TXNDC5: variants seen among roughly 807,000 people sequenced by gnomAD.
TXNDC5 encodes the protein thioredoxin domain-containing protein 5.
In TXNDC5, 44 loss-of-function variants were observed where a neutral mutation model predicts 52.6. The observed-to-expected ratio is 0.84, with a 90% CI of 0.66 to 1.08. TXNDC5 has a LOEUF of 1.08. Ranked by LOEUF, TXNDC5 falls within the 50% of genes least tolerant of loss-of-function variation. The pLI is 0.00. For synonymous variants in TXNDC5, 241 were observed against 234.4 expected (o/e 1.03, Z -0.26); for missense variants, 600 against 565.5 (o/e 1.06, Z -0.62).
intron 7 of TXNDC5, among the ~76,000 whole-genome samples, chr6:7,887,346 A>G (rs553404962): frequency 6.6e-6 from 1 of 152,264 alleles, no homozygotes; most frequent in African/African-American, 2.4e-5. Context: ...TGGAACTGCC[A>G]CTGGACACTG....
chr6:7,908,343 T>G (rs1372857598), intron 1 of TXNDC5, among the ~76,000 whole-genome samples: 1 of 148,406 alleles, frequency 6.7e-6, no homozygotes, highest in Non-Finnish European at 1.5e-5. Context: ...AGCATCCAGC[T>G]AAATGTCTAC....
intron 9 of TXNDC5, among the ~76,000 whole-genome samples, chr6:7,883,499 AG>A (rs1430403602): frequency 2.6e-5 from 4 of 152,202 alleles, no homozygotes; most frequent in African/African-American, 7.2e-5. Flanking sequence ...TCAGCCTCAA[AG>A]GAACGACTTT....
rs554689362 is a variant in TXNDC5 at position 7,904,565 on chromosome 6, C to T, written c.413+9G>A. 16 of 1,613,442 alleles carry T rather than the reference C, an allele frequency of 9.9e-6. No homozygotes were observed. The South Asian group carries it at 1.5e-4, about 16-fold the overall frequency. ...ACCTAGGAAGTGTGCCCCCTTCCTT[C>T]CAACTTACGTGGGGTATCCTCGCAC... On this transcript the variant is annotated intron_variant, in intron 2 of 9. Transcript: ENST00000379757.
intron 3 of TXNDC5, among the ~76,000 whole-genome samples, chr6:7,898,623 C>G (rs181784218): frequency 6.6e-6 from 1 of 152,276 alleles, no homozygotes; most frequent in Non-Finnish European, 1.5e-5. Context: ...TCATCAGGAT[C>G]CTACAGTGTA....
chr6:7,883,084 C>T lies in TXNDC5; in HGVS notation c.*60G>A, dbSNP rs1759824591. 6.2e-7 allele frequency: 1 copy of T among 1,609,716 alleles called. No homozygotes were observed. Among genetic ancestry groups the T allele is most frequent in the South Asian group, 1.1e-5 (1 of 90,860 alleles). On this transcript the variant is annotated 3_prime_UTR_variant, in exon 10 of 10. Coordinates refer to ENST00000379757, the MANE Select transcript of TXNDC5 (RefSeq NM_030810.5). The stretch of plus-strand genomic sequence containing the variant: ...TGGGAACCCAGTGGCCTCTGTGGGA[C>T]TGAACTCCTAAACGCAGGGTGCGGG...
chr6:7,885,565 G>C (rs955533769), intron 8 of TXNDC5, among the ~76,000 whole-genome samples: 1 of 152,172 alleles, frequency 6.6e-6, no homozygotes, highest in Non-Finnish European at 1.5e-5. Flanking sequence ...TAAAAGAACC[G>C]AGGAGCAAAG....
At chr6:7,887,733 A>G (rs574832141) in intron 7 of TXNDC5, among the ~76,000 whole-genome samples, 2 of 152,180 alleles carry the variant, frequency 1.3e-5, no homozygotes, top group African/African-American at 4.8e-5. Context: ...CCAGCTGCCC[A>G]CAGACTCTCA....
chr6:7,910,361 TGAGCCCC>T (rs1581335575), intron 1 of TXNDC5, among the ~76,000 whole-genome samples, 146 bp downstream of exon 1: 1 of 137,408 alleles, frequency 7.3e-6, no homozygotes, highest in Non-Finnish European at 1.6e-5. Flanking sequence ...CCCGCACCCC[TGAGCCCC>T]GAGCCCCGCG....
chr6:7,884,592 A>T, intron 8 of TXNDC5, 104 bp from the exon 9 acceptor site: 1 of 1,492,970 alleles, frequency 6.7e-7, no homozygotes, highest in Non-Finnish European at 9.1e-7. Context: ...GGGACAGTCA[A>T]CAATTGCCTA....
At position 7,910,637 on chromosome 6, in the gene TXNDC5, TCCG is replaced by T. The variant is rs534980705; in HGVS notation, c.137_139del (p.Ala46del). The T allele has an allele frequency of 0.045, 55,100 of 1,224,662 alleles. 1,347 individuals are homozygous for T. Among genetic ancestry groups the T allele is most frequent in the Non-Finnish European group, 0.051 (48,841 of 959,084 alleles). 75.9% of individuals were successfully genotyped at this position (1,224,662 alleles called of 1,614,324 possible). ...CTCGCCGTCTGCCGCGGGGGGCCCGTCCGCCGCCGCCGCCGCCGCCTCCTGGGC... is the reference window on the plus strand; with the variant it reads ...CTCGCCGTCTGCCGCGGGGGGCCCGTCCGCCGCCGCCGCCGCCTCCTGGGC... On this transcript the variant is annotated inframe_deletion, in exon 1 of 10. Transcript: ENST00000379757.
At chr6:7,904,481 A>G in intron 2 of TXNDC5, 93 bp downstream of exon 2, 1 of 1,498,474 alleles carries the variant, frequency 6.7e-7, no homozygotes, top group South Asian at 1.3e-5. Flanking sequence ...GCTTAAATTT[A>G]GTATCTCTTC....
chr6:7,901,494 A>C (rs1191078032), intron 2 of TXNDC5, among the ~76,000 whole-genome samples: 2 of 152,212 alleles, frequency 1.3e-5, no homozygotes, highest in Non-Finnish European at 2.9e-5. Flanking sequence ...AATTTAAAAA[A>C]AACCATCTTC....
Position 7,883,066 on chromosome 6 carries a change from C to G in TXNDC5, c.*78G>C. The G allele has an allele frequency of 6.3e-7, 1 of 1,597,968 alleles. No individual in the cohort carries two copies. The highest frequency in any genetic ancestry group is 1.1e-5 in the South Asian group (1 of 90,024). On this transcript the variant is annotated 3_prime_UTR_variant, in exon 10 of 10. Transcript: ENST00000379757. Reference sequence around the variant, plus strand: ...TTTCTGAACAGCCACCACTGGGAACCCAGTGGCCTCTGTGGGACTGAACTC... The same window carrying G: ...TTTCTGAACAGCCACCACTGGGAACGCAGTGGCCTCTGTGGGACTGAACTC...
chr6:7,888,939 G>A, intron 6 of TXNDC5, 91 bp from the exon 7 acceptor site: 1 of 1,482,468 alleles, frequency 6.7e-7, no homozygotes, highest in Non-Finnish European at 9.0e-7. Flanking sequence ...GCCCGGGTCA[G>A]AGCTCCCAGA....
chr6:7,904,792 T>C, intron 1 of TXNDC5, 69 bp from the exon 2 acceptor site: 1 of 1,596,576 alleles, frequency 6.3e-7, no homozygotes, highest in Non-Finnish European at 8.6e-7. Context: ...CAACTTCAGC[T>C]CTGTCCAGGG....
intron 1 of TXNDC5, among the ~76,000 whole-genome samples, chr6:7,906,238 T>G (rs1760723359): frequency 1.4e-5 from 2 of 147,730 alleles, no homozygotes; most frequent in South Asian, 2.2e-4. Flanking sequence ...TTTTGTCTCT[T>G]AAGAAAAAAA....
intron 2 of TXNDC5, among the ~76,000 whole-genome samples, chr6:7,903,751 C>G (rs1253311449): frequency 6.6e-6 from 1 of 152,238 alleles, no homozygotes; most frequent in African/African-American, 2.4e-5. Context: ...GTGGCAATCC[C>G]TCCACCTCCT....
intron 4 of TXNDC5, among the ~76,000 whole-genome samples, chr6:7,892,020 T>C (rs1458180066): frequency 6.6e-6 from 1 of 152,158 alleles, no homozygotes; most frequent in Non-Finnish European, 1.5e-5. Context: ...TTCTCCCACC[T>C]CTCCTATATG....
intron 1 of TXNDC5, 37 bp from the exon 2 acceptor site, chr6:7,904,760 A>G: frequency 2.5e-6 from 4 of 1,613,596 alleles, no homozygotes; most frequent in Non-Finnish European, 3.4e-6. Context: ...ATTGAGTATC[A>G]GGTCACAGGG....
Sources: allele counts gnomAD v4.1 joint callset (sites outside exome capture counted in the v4.1 genomes callset), GRCh38; gene constraint gnomAD v4.1.1; transcripts MANE v1.5; gene names NCBI Gene and HGNC (gene_info 2026-07-23, HGNC 2026-07-21).